The following ENTREP2 variants were observed in gnomAD, a reference collection of about 807,000 sequenced individuals.
ENTREP2 encodes protein ENTREP2.
the ENTREP2 span, among the ~76,000 whole-genome samples, chr15:29,506,427 G>A: frequency 2.6e-5 from 4 of 152,082 alleles, no homozygotes; most frequent in African/African-American, 9.7e-5. Context: ...GATACTCCTC[G>A]AGAAGAGCAA....
chr15:29,444,186 GA>G, the ENTREP2 span, among the ~76,000 whole-genome samples: 1 of 63,436 alleles, frequency 1.6e-5, no homozygotes, highest in African/African-American at 5.6e-5. Flanking sequence ...AAGAAAGAAA[GA>G]AAGAAAGAAA....
the ENTREP2 span, among the ~76,000 whole-genome samples, chr15:29,508,836 A>T: frequency 6.6e-6 from 1 of 152,180 alleles, no homozygotes; most frequent in Non-Finnish European, 1.5e-5. Flanking sequence ...CTTTGAAACC[A>T]GCACAAGATA....
At chr15:29,617,631 G>A in the ENTREP2 span, among the ~76,000 whole-genome samples, 148 of 152,330 alleles carry the variant, frequency 9.7e-4, no homozygotes, top group Middle Eastern at 3.4e-3. Context: ...CAACACAGGT[G>A]CAACTTAGGT....
At chr15:29,588,501 AGAGAGAGG>A in the ENTREP2 span, among the ~76,000 whole-genome samples, 3 of 133,916 alleles carry the variant, frequency 2.2e-5, no homozygotes, top group African/African-American at 8.6e-5. Flanking sequence ...AGAGAGAGAG[AGAGAGAGG>A]GAGGGAGGGA....
the ENTREP2 span, among the ~76,000 whole-genome samples, chr15:29,184,543 C>A: frequency 6.6e-6 from 1 of 152,120 alleles, no homozygotes; most frequent in Non-Finnish European, 1.5e-5. Flanking sequence ...GCAGCTCAGC[C>A]CCTGCACATC....
chr15:29,148,900 T>C, the ENTREP2 span, among the ~76,000 whole-genome samples: 1 of 151,666 alleles, frequency 6.6e-6, no homozygotes, highest in Non-Finnish European at 1.5e-5. Context: ...TTTTTAAGTC[T>C]CAATCTCGCT....
the ENTREP2 span, among the ~76,000 whole-genome samples, chr15:29,463,893 T>C: frequency 6.6e-6 from 1 of 152,136 alleles, no homozygotes; most frequent in African/African-American, 2.4e-5. Context: ...GAGGGAAATA[T>C]TGACACATGC....
At chr15:29,547,488 T>C in the ENTREP2 span, among the ~76,000 whole-genome samples, 2 of 152,210 alleles carry the variant, frequency 1.3e-5, no homozygotes, top group Non-Finnish European at 2.9e-5. Context: ...ATGTTCAACA[T>C]CATTCATCAT....
chr15:29,369,804 A>C, the ENTREP2 span, among the ~76,000 whole-genome samples: 1 of 152,370 alleles, frequency 6.6e-6, no homozygotes, highest in Non-Finnish European at 1.5e-5. Flanking sequence ...GAAATGATTA[A>C]CTTAAGTTGG....
the ENTREP2 span, among the ~76,000 whole-genome samples, chr15:29,584,997 GGATAGATAGATAGATA>G: frequency 2.7e-4 from 41 of 150,708 alleles, no homozygotes; most frequent in African/African-American, 8.8e-4. Context: ...AAAGATCGAT[GGATAGATAGATAGATA>G]GATAGATAGA....
the ENTREP2 span, among the ~76,000 whole-genome samples, chr15:29,556,438 G>C: frequency 3.3e-5 from 5 of 152,120 alleles, no homozygotes; most frequent in African/African-American, 1.2e-4. Context: ...TTCTTCACAA[G>C]GAAGGAAGGG....
At chr15:29,546,905 A>AC in the ENTREP2 span, among the ~76,000 whole-genome samples, 2 of 48,502 alleles carry the variant, frequency 4.1e-5, no homozygotes, top group African/African-American at 2.7e-4. Context: ...AAACAACAAC[A>AC]AAAAAAAAAA....
chr15:29,241,435 C>CA, the ENTREP2 span, among the ~76,000 whole-genome samples: 56,408 of 151,974 alleles, frequency 0.37, 10,774 homozygotes, highest in East Asian at 0.6. Flanking sequence ...TGTGCATACA[C>CA]AAAAATGGAT....
At chr15:29,546,721 C>A in the ENTREP2 span, among the ~76,000 whole-genome samples, 2 of 151,780 alleles carry the variant, frequency 1.3e-5, no homozygotes, top group Non-Finnish European at 2.9e-5. Context: ...CCTGTCTCTA[C>A]TAAAAATACA....
At chr15:29,174,257 T>C in the ENTREP2 span, among the ~76,000 whole-genome samples, 33 of 152,256 alleles carry the variant, frequency 2.2e-4, no homozygotes, top group Non-Finnish European at 4.0e-4. Context: ...GCAGATGTCA[T>C]GTCATTTTTT....
the ENTREP2 span, among the ~76,000 whole-genome samples, chr15:29,338,322 A>T: frequency 6.6e-6 from 1 of 150,860 alleles, no homozygotes; most frequent in African/African-American, 2.4e-5. Flanking sequence ...GCAGCTCAGG[A>T]GGCTGAGGCA....
At chr15:29,493,855 T>TA in the ENTREP2 span, among the ~76,000 whole-genome samples, 1 of 151,964 alleles carries the variant, frequency 6.6e-6, no homozygotes, top group Admixed American at 6.6e-5. Context: ...CTCACACCCG[T>TA]AATCCCAGGT....
the ENTREP2 span, among the ~76,000 whole-genome samples, chr15:29,210,640 C>T: frequency 1.3e-5 from 2 of 152,150 alleles, no homozygotes. Flanking sequence ...TGGACCCTCC[C>T]CCAGTTCATG....
At chr15:29,491,459 GCC>G in the ENTREP2 span, among the ~76,000 whole-genome samples, 1 of 152,176 alleles carries the variant, frequency 6.6e-6, no homozygotes, top group African/African-American at 2.4e-5. Flanking sequence ...GTGAGTACCT[GCC>G]CTTTCTGGAA....
Sources: gnomAD v4.1 joint callset for allele counts (sites outside exome capture counted in the v4.1 genomes callset) on GRCh38, gnomAD v4.1.1 for gene constraint, MANE v1.5 for transcripts, NCBI Gene and HGNC (gene_info 2026-07-23, HGNC 2026-07-21) for gene names.